Variants in MACROD2 observed in about 807,000 individuals in gnomAD.
MACROD2 encodes ADP-ribose glycohydrolase MACROD2.
Under a neutral mutation model 70.4 loss-of-function variants are expected in MACROD2, and 36 were observed. That is an observed-to-expected ratio of 0.51 (90% CI 0.39 to 0.68). MACROD2 has a LOEUF of 0.68. Ranked by LOEUF, MACROD2 falls within the 30% of genes least tolerant of loss-of-function variation. The pLI is 0.00. For synonymous variants in MACROD2, 172 were observed against 178.8 expected (o/e 0.96, Z 0.30); for missense variants, 496 against 538.4 (o/e 0.92, Z 0.78).
chr20:15,198,770 T>A (rs2075768299), intron 5 of MACROD2, among the ~76,000 whole-genome samples: 5 of 152,108 alleles, frequency 3.3e-5, no homozygotes, highest in Admixed American at 3.3e-4. Context: ...ATTTACAAAG[T>A]TATTTCCATA....
chr20:14,283,544 A>G (rs759769385), intron 3 of MACROD2, among the ~76,000 whole-genome samples: 9 of 152,254 alleles, frequency 5.9e-5, no homozygotes, highest in Non-Finnish European at 1.3e-4. Flanking sequence ...ATAAGAAGAT[A>G]TGCTAGAGAT....
intron 3 of MACROD2, among the ~76,000 whole-genome samples, chr20:14,457,912 C>T (rs2084322094): frequency 6.6e-6 from 1 of 151,986 alleles, no homozygotes. Context: ...CCAGCCTGGC[C>T]AACATGGTGA....
intron 3 of MACROD2, among the ~76,000 whole-genome samples, chr20:14,468,341 A>T (rs142679821): frequency 4.6e-5 from 7 of 151,280 alleles, no homozygotes; most frequent in Admixed American, 1.3e-4. Flanking sequence ...TTCTTGTTGC[A>T]TTGATTCCTT....
At chr20:16,015,032 C>A (rs2147536013) in intron 15 of MACROD2, among the ~76,000 whole-genome samples, 1 of 152,150 alleles carries the variant, frequency 6.6e-6, no homozygotes, top group South Asian at 2.1e-4. Flanking sequence ...TTAATAGAAG[C>A]AATATTTATT....
At chr20:14,962,288 A>G (rs80063730) in intron 5 of MACROD2, among the ~76,000 whole-genome samples, 20,813 of 151,926 alleles carry the variant, frequency 0.14, 1,732 homozygotes, top group East Asian at 0.33. Flanking sequence ...ATTTCTGTAC[A>G]ATGTCCCTCA....
intron 4 of MACROD2, among the ~76,000 whole-genome samples, chr20:14,664,228 G>A (rs111773312): frequency 1.4e-4 from 22 of 152,154 alleles, no homozygotes; most frequent in African/African-American, 4.8e-4. Flanking sequence ...TAAATCAGAA[G>A]AGCACAAAAA....
intron 6 of MACROD2, among the ~76,000 whole-genome samples, chr20:15,230,910 AT>A (rs1286633346): frequency 6.6e-6 from 1 of 152,118 alleles, no homozygotes; most frequent in Non-Finnish European, 1.5e-5. Flanking sequence ...CATATAGATT[AT>A]AGCCTTGCTG....
At chr20:14,347,628 T>C (rs2083077598) in intron 3 of MACROD2, among the ~76,000 whole-genome samples, 1 of 152,142 alleles carries the variant, frequency 6.6e-6, no homozygotes, top group Admixed American at 6.5e-5. Flanking sequence ...TTCCAAAAGC[T>C]GCCACTTTTA....
chr20:15,721,459 T>C (rs983687265), intron 8 of MACROD2, among the ~76,000 whole-genome samples: 2 of 152,148 alleles, frequency 1.3e-5, no homozygotes, highest in Admixed American at 6.5e-5. Flanking sequence ...TCTCTGTTGT[T>C]TTTGAAGAAG....
chr20:16,041,134 A>C lies in MACROD2; in HGVS notation c.1154-67A>C. 4 of 1,337,996 alleles carry C rather than the reference A, an allele frequency of 3.0e-6. No individual in the cohort carries two copies. In the South Asian group the frequency reaches 5.2e-5, roughly 17 times the overall value. 82.9% of individuals were successfully genotyped at this position (1,337,996 alleles called of 1,614,324 possible). ...TTAAAAGGGCAATGGAGGGTGACAGAAATGATTGGCCCTCAGGCTGTTATA... is the reference window on the plus strand; with the variant it reads ...TTAAAAGGGCAATGGAGGGTGACAGCAATGATTGGCCCTCAGGCTGTTATA... On this transcript the variant is annotated intron_variant, in intron 15 of 17. Transcript: ENST00000684519.
intron 5 of MACROD2, among the ~76,000 whole-genome samples, chr20:14,941,419 C>A (rs1342885796): frequency 3.3e-5 from 5 of 152,064 alleles, no homozygotes; most frequent in African/African-American, 1.2e-4. Context: ...TGCTAGGGAA[C>A]CCAATATGGT....
chr20:14,078,651 G>A (rs1372095927), intron 2 of MACROD2, among the ~76,000 whole-genome samples: 3 of 151,896 alleles, frequency 2.0e-5, no homozygotes, highest in South Asian at 2.1e-4. Flanking sequence ...CAGGTGATCC[G>A]CCCACCTTGG....
rs1287573400 is a variant in MACROD2, at chr20:15,869,230, T to TAG, written c.727+6405_727+6406insGA. Among the ~76,000 whole-genome samples the TAG allele has an allele frequency of 7.7e-3, 288 of 37,618 alleles. 1 individual carries two copies. The highest frequency in any genetic ancestry group is 0.016 in the African/African-American group (233 of 14,342). 24.7% of individuals were successfully genotyped at this position (37,618 alleles called of 152,430 possible). A position where few individuals can be genotyped will look rare whatever the true frequency, so the allele number is the denominator to read the frequency against. ...ATTAACATATATATATATATATATA[T>TAG]ATATATATAGAGAGAGAGAGAGAGA... is the stretch of plus-strand genomic sequence containing the variant. On this transcript the variant is annotated intron_variant, in intron 9 of 17. Transcript: ENST00000684519.
chr20:15,566,462 C>T (rs1451541754), intron 8 of MACROD2, among the ~76,000 whole-genome samples: 1 of 151,788 alleles, frequency 6.6e-6, no homozygotes, highest in African/African-American at 2.4e-5. Context: ...TGTGCCACTG[C>T]ACTCCAACCT....
intron 7 of MACROD2, among the ~76,000 whole-genome samples, chr20:15,453,034 C>T (rs1054235931): frequency 6.6e-6 from 1 of 152,122 alleles, no homozygotes; most frequent in African/African-American, 2.4e-5. Flanking sequence ...CAGAACTAAA[C>T]TGAGTGTGTC....
chr20:15,489,280 C>A (rs1330831439), intron 7 of MACROD2, among the ~76,000 whole-genome samples: 1 of 152,064 alleles, frequency 6.6e-6, no homozygotes, highest in Non-Finnish European at 1.5e-5. Flanking sequence ...TTCCCTTTTC[C>A]CTTTTTATAT....
Position 15,064,068 on chromosome 20 carries a change from C to T in MACROD2, c.419-165872C>T, listed in dbSNP as rs371179083. Among the ~76,000 whole-genome samples the T allele has an allele frequency of 2.5e-3, 386 of 152,298 alleles. 20 individuals carry two copies. The South Asian group carries it at 0.075, about 30-fold the overall frequency. On this transcript the variant is annotated intron_variant, in intron 5 of 17. Transcript: ENST00000684519. ...GTTTAAGTTTGAAGGGCTGGTTAGTCACAGTCTCTCGCACCAGTGATTGAG... is the reference window on the plus strand; with the variant it reads ...GTTTAAGTTTGAAGGGCTGGTTAGTTACAGTCTCTCGCACCAGTGATTGAG...
chr20:15,741,131 C>T (rs1488371054), intron 8 of MACROD2, among the ~76,000 whole-genome samples: 1 of 137,342 alleles, frequency 7.3e-6, no homozygotes, highest in Non-Finnish European at 1.5e-5. Flanking sequence ...CTCGCTCTGT[C>T]ACCAGGCTGG....
chr20:14,765,919 G>A (rs935447910), intron 5 of MACROD2, among the ~76,000 whole-genome samples: 1 of 152,036 alleles, frequency 6.6e-6, no homozygotes, highest in Non-Finnish European at 1.5e-5. Context: ...TAAAGGACTT[G>A]CTCACAGAAG....
Sources: gnomAD v4.1 joint callset for allele counts (sites outside exome capture counted in the v4.1 genomes callset) on GRCh38, gnomAD v4.1.1 for gene constraint, MANE v1.5 for transcripts, NCBI Gene and HGNC (gene_info 2026-07-23, HGNC 2026-07-21) for gene names.